Variants in ASTN1 observed in about 807,000 individuals in gnomAD.
ASTN1 encodes the protein astrotactin-1.
A neutral mutation model predicts 140.7 loss-of-function variants in ASTN1; 41 were observed. The observed-to-expected ratio is 0.29, with a 90% confidence interval of 0.23 to 0.38. The LOEUF (loss-of-function observed/expected upper bound fraction) is 0.38, where lower values mean the gene tolerates loss of function less well. Among genes scored for constraint, ASTN1 ranks in the 10% least tolerant of loss-of-function variants. The pLI, the probability that ASTN1 is intolerant of heterozygous loss-of-function variation, is 1.00. For synonymous variants in ASTN1, 640 were observed against 652.2 expected, an observed-to-expected ratio of 0.98 and a Z score of 0.29; for missense variants, 1,479 against 1,678.8, an observed-to-expected ratio of 0.88 and a Z score of 2.08.
At chr1:177,019,352 T>C (rs190472253) in intron 7 of ASTN1, among the ~76,000 whole-genome samples, 1 of 152,214 alleles carries the variant, frequency 6.6e-6, no homozygotes, top group African/African-American at 2.4e-5. Flanking sequence ...ATTTTTTTCC[T>C]AGGTATTTCC....
chr1:177,102,685 A>G (rs76624312), intron 1 of ASTN1, among the ~76,000 whole-genome samples: 3,505 of 152,292 alleles, frequency 0.023, 129 homozygotes, highest in African/African-American at 0.079. Flanking sequence ...CTTAATTCAG[A>G]CTAATACTCT....
intron 1 of ASTN1, among the ~76,000 whole-genome samples, chr1:177,137,809 G>A (rs1682268730): frequency 6.6e-6 from 1 of 152,102 alleles, no homozygotes; most frequent in Admixed American, 6.6e-5. Context: ...TGTGATTTAT[G>A]GTGATTTTTA....
chr1:177,090,832 T>C (rs888755455), intron 1 of ASTN1, among the ~76,000 whole-genome samples: 2 of 152,066 alleles, frequency 1.3e-5, no homozygotes, highest in Non-Finnish European at 2.9e-5. Context: ...CTCCCACATT[T>C]TTTTCTCATC....
intron 22 of ASTN1, among the ~76,000 whole-genome samples, chr1:176,865,604 A>G (rs1291058833): frequency 2.0e-5 from 3 of 152,216 alleles, no homozygotes; most frequent in Non-Finnish European, 2.9e-5. Flanking sequence ...AACTCAATGA[A>G]GACTACTGAC....
intron 8 of ASTN1, among the ~76,000 whole-genome samples, chr1:176,992,390 T>C (rs879666387): frequency 2.6e-5 from 4 of 151,986 alleles, no homozygotes; most frequent in Admixed American, 2.6e-4. Context: ...AGTGACCTTC[T>C]GGGTTGGATC....
At chr1:177,066,683 C>T (rs1410808371) in intron 1 of ASTN1, among the ~76,000 whole-genome samples, 1 of 152,202 alleles carries the variant, frequency 6.6e-6, no homozygotes, top group Non-Finnish European at 1.5e-5. Flanking sequence ...AATACAACCT[C>T]ATTGAGGACC....
chr1:177,056,938 T>A (rs1466610944), intron 2 of ASTN1, among the ~76,000 whole-genome samples: 1 of 152,228 alleles, frequency 6.6e-6, no homozygotes, highest in Non-Finnish European at 1.5e-5. Flanking sequence ...CACTCAGTTT[T>A]CATTTGCTGA....
chr1:176,942,802 A>C (rs1671775348), intron 14 of ASTN1, among the ~76,000 whole-genome samples: 1 of 110,382 alleles, frequency 9.1e-6, no homozygotes, highest in Non-Finnish European at 1.9e-5. Context: ...AGACCAAACC[A>C]ATGTACTTTG....
intron 1 of ASTN1, among the ~76,000 whole-genome samples, chr1:177,145,017 T>C (rs1682659437): frequency 1.3e-5 from 2 of 152,136 alleles, no homozygotes; most frequent in Admixed American, 1.3e-4. Flanking sequence ...CAGGGTGCCT[T>C]AAATCTTTAA....
At chr1:177,084,563 A>G (rs1398255295) in intron 1 of ASTN1, among the ~76,000 whole-genome samples, 1 of 151,198 alleles carries the variant, frequency 6.6e-6, no homozygotes, top group Non-Finnish European at 1.5e-5. Context: ...TTCACTTTTC[A>G]TTTCATACTC....
intron 2 of ASTN1, among the ~76,000 whole-genome samples, chr1:177,052,053 G>A (rs971534876): frequency 1.5e-4 from 23 of 152,144 alleles, no homozygotes; most frequent in African/African-American, 5.3e-4. Flanking sequence ...TAAGACGCCT[G>A]GTGGGAAACC....
rs1360974090 is a variant in ASTN1, at chr1:176,894,745, G to A, written c.2757C>T (p.Asp919=). 11 of 1,614,088 alleles carry A rather than the reference G, an allele frequency of 6.8e-6. No individual in the cohort carries two copies. Among genetic ancestry groups the A allele is most frequent in the Non-Finnish European group, 9.3e-6 (11 of 1,180,040 alleles). Residue 919 remains aspartate (D), a synonymous_variant, in exon 17 of 23, where the codon GAC becomes GAT. Transcript: ENST00000361833. ...CAGCCGCCATGTGCTTGGTGCCGGAGTCTGACAAGCTGGTGATGTATTCTG... is the reference window on the plus strand; with the variant it reads ...CAGCCGCCATGTGCTTGGTGCCGGAATCTGACAAGCTGGTGATGTATTCTG... ...TFPEYITSLS[D]SGTKHMAAGV... is the part of the protein sequence containing the mutation.
chr1:177,098,849 G>A (rs768295327), intron 1 of ASTN1, among the ~76,000 whole-genome samples: 5 of 152,084 alleles, frequency 3.3e-5, no homozygotes, highest in Non-Finnish European at 2.9e-5. Flanking sequence ...ACTGACGATC[G>A]ACTGATCCCA....
intron 8 of ASTN1, among the ~76,000 whole-genome samples, chr1:177,002,385 ACAC>A (rs1341386702): frequency 3.3e-4 from 16 of 48,720 alleles, no homozygotes; most frequent in Non-Finnish European, 5.7e-4. Flanking sequence ...AAACACACAC[ACAC>A]ACACACACAC....
rs1367928864 is a variant in ASTN1, at chr1:177,022,895, CAGG to C, written c.1438+506_1438+508del. On this transcript the variant is annotated intron_variant, in intron 7 of 22. Transcript: ENST00000361833. ...ATGATGGAATGTTAAGTGAAAAAAG[CAGG>C]AGAACTCTACTAGACTTAGTATGCT... 2.0e-5 allele frequency among the ~76,000 whole-genome samples: 3 copies of C among 152,034 alleles called. No individual in the cohort carries two copies. In the South Asian group the frequency reaches 6.2e-4, roughly 31 times the overall value.
In ASTN1 at chr1:177,024,747, A is replaced by G. The variant is rs1369208194; in HGVS notation, c.1121-15T>C. On this transcript the variant is annotated splice_polypyrimidine_tract_variant and intron_variant, in intron 5 of 22. Coordinates refer to ENST00000361833, the MANE Select transcript of ASTN1 (RefSeq NM_004319.3). The stretch of plus-strand genomic sequence containing the variant: ...GGGAGAACCCACTGAAAGTGAGACA[A>G]AAGCAAGATACATGGTGGTAAAAAG... 2 of 1,610,478 alleles carry G rather than the reference A, an allele frequency of 1.2e-6. No individual in the cohort carries two copies. The highest frequency in any genetic ancestry group is 1.7e-6 in the Non-Finnish European group (2 of 1,177,058).
chr1:177,006,376 G>T lies in ASTN1; in HGVS notation c.1523+8415C>A, dbSNP rs370168670. Among the ~76,000 whole-genome samples, 6 of 151,670 alleles carry T rather than the reference G, an allele frequency of 4.0e-5. No homozygotes were observed. The East Asian group carries it at 5.8e-4, about 15-fold the overall frequency. On this transcript the variant is annotated intron_variant, in intron 8 of 22. Transcript: ENST00000361833. Reference sequence around the variant, plus strand: ...TAATGGCAGTTTTCTCTACACATGGGATAATGAATGTATTTTTTTCTATTG... The same window carrying T: ...TAATGGCAGTTTTCTCTACACATGGTATAATGAATGTATTTTTTTCTATTG...
intron 2 of ASTN1, among the ~76,000 whole-genome samples, chr1:177,033,918 A>G (rs1676579470): frequency 1.3e-5 from 2 of 151,946 alleles, no homozygotes; most frequent in Non-Finnish European, 2.9e-5. Context: ...GTGGGCATAA[A>G]TCTTCCCGTG....
intron 7 of ASTN1, among the ~76,000 whole-genome samples, chr1:177,015,688 G>T (rs1273207044): frequency 6.6e-6 from 1 of 152,070 alleles, no homozygotes; most frequent in Non-Finnish European, 1.5e-5. Flanking sequence ...CTGTATATGT[G>T]TGTATATGCA....
Sources: gnomAD v4.1 joint callset for allele counts (sites outside exome capture counted in the v4.1 genomes callset) on GRCh38, gnomAD v4.1.1 for gene constraint, MANE v1.5 for transcripts, NCBI Gene and HGNC (gene_info 2026-07-23, HGNC 2026-07-21) for gene names.